The following NEK11 variants were observed in gnomAD, a reference collection of about 807,000 sequenced individuals.
The protein encoded by NEK11 is NIMA related kinase 11.
Under a neutral mutation model 80.7 loss-of-function variants are expected in NEK11, and 72 were observed. The observed-to-expected ratio is 0.89, with a 90% CI of 0.74 to 1.08. NEK11 has a LOEUF of 1.08. NEK11 is among the 50% of genes least tolerant of loss of function. The probability of loss-of-function intolerance (pLI) is 0.00; values close to 1 mark genes in which losing one functional copy is unlikely to be tolerated. For missense variants in NEK11, 764 were observed against 763.6 expected, an observed-to-expected ratio of 1.00 and a Z score of -0.01; for synonymous variants, 251 against 260.7, an observed-to-expected ratio of 0.96 and a Z score of 0.36.
chr3:131,091,831 C>G lies in NEK11; in HGVS notation c.336+11243C>G, dbSNP rs568212928. ...TTCTTGAATTGGGCAAACTTCAGAA[C>G]TAGAAGGAGTTCGGAGAGCTCTTTC... On this transcript the variant is annotated intron_variant, in intron 4 of 17. Coordinates refer to ENST00000383366, the MANE Select transcript of NEK11 (RefSeq NM_024800.5). Among the ~76,000 whole-genome samples the G allele has an allele frequency of 7.2e-5, 11 of 152,294 alleles. No homozygotes were observed. In the East Asian group the frequency reaches 2.1e-3, roughly 29 times the overall value.
chr3:131,275,434 C>T (rs1273183287), intron 17 of NEK11, among the ~76,000 whole-genome samples: 1 of 152,086 alleles, frequency 6.6e-6, no homozygotes, highest in African/African-American at 2.4e-5. Flanking sequence ...AATTAATTGG[C>T]CAAGATGCAT....
Position 131,183,279 on chromosome 3 carries a change from A to T in NEK11, c.1399+12392A>T, listed in dbSNP as rs557141911. Among the ~76,000 whole-genome samples the T allele has an allele frequency of 2.6e-5, 4 of 152,322 alleles. No homozygotes were observed. In the South Asian group the frequency reaches 6.2e-4, roughly 24 times the overall value. Reference sequence around the variant, plus strand: ...TGTTCACAGGCCAACTTCTTTTTTTAAAATTAAATAAAATTTAAAGTTCTG... The same window carrying T: ...TGTTCACAGGCCAACTTCTTTTTTTTAAATTAAATAAAATTTAAAGTTCTG... On this transcript the variant is annotated intron_variant, in intron 14 of 17. Coordinates refer to ENST00000383366, the MANE Select transcript of NEK11 (RefSeq NM_024800.5).
At chr3:131,038,414 TA>T (rs1435127799) in intron 3 of NEK11, among the ~76,000 whole-genome samples, 2 of 152,336 alleles carry the variant, frequency 1.3e-5, no homozygotes, top group East Asian at 3.9e-4. Flanking sequence ...TATTCTGAGA[TA>T]AATGACTTTC....
chr3:131,196,972 C>T (rs2094041858), intron 14 of NEK11, among the ~76,000 whole-genome samples: 1 of 151,918 alleles, frequency 6.6e-6, no homozygotes, highest in Non-Finnish European at 1.5e-5. Flanking sequence ...GGTTTATAAC[C>T]CAATCATTGT....
intron 14 of NEK11, among the ~76,000 whole-genome samples, chr3:131,175,785 TA>T (rs2092974733): frequency 1.3e-5 from 2 of 152,110 alleles, no homozygotes; most frequent in South Asian, 4.1e-4. Flanking sequence ...ATTGATAAAT[TA>T]AAAAAATATT....
intron 3 of NEK11, among the ~76,000 whole-genome samples, chr3:131,030,427 T>C (rs1190142360): frequency 6.6e-6 from 1 of 152,198 alleles, no homozygotes; most frequent in Non-Finnish European, 1.5e-5. Context: ...AATAAGATGT[T>C]TGGGCATGCC....
intron 17 of NEK11, among the ~76,000 whole-genome samples, chr3:131,274,010 A>G (rs1177922652): frequency 6.6e-6 from 1 of 151,518 alleles, no homozygotes; most frequent in African/African-American, 2.4e-5. Flanking sequence ...CACATTGTGC[A>G]GGTTAGTTAC....
intron 3 of NEK11, among the ~76,000 whole-genome samples, chr3:131,030,199 A>C (rs978470386): frequency 3.3e-5 from 5 of 151,854 alleles, no homozygotes; most frequent in Admixed American, 6.6e-5. Context: ...AGATCATGCC[A>C]CTGCCCTCCA....
At chr3:131,302,410 G>T (rs1354098781) in intron 17 of NEK11, among the ~76,000 whole-genome samples, 1 of 152,006 alleles carries the variant, frequency 6.6e-6, no homozygotes, top group Non-Finnish European at 1.5e-5. Context: ...GGGTTGGTTT[G>T]CCTCTTGTTT....
chr3:131,077,693 A>G (rs2074589494), intron 3 of NEK11, among the ~76,000 whole-genome samples: 1 of 152,180 alleles, frequency 6.6e-6, no homozygotes, highest in South Asian at 2.1e-4. Context: ...ACTGCATGCT[A>G]GCTGGGGTAC....
intron 17 of NEK11, among the ~76,000 whole-genome samples, chr3:131,319,861 T>A (rs930082441): frequency 2.0e-5 from 3 of 152,092 alleles, no homozygotes; most frequent in Non-Finnish European, 4.4e-5. Flanking sequence ...CATTTTTTTT[T>A]AATTTCATAA....
chr3:131,336,701 A>G (rs960140070), intron 17 of NEK11, among the ~76,000 whole-genome samples: 69 of 152,176 alleles, frequency 4.5e-4, no homozygotes, highest in African/African-American at 1.7e-3. Flanking sequence ...ATAGGAGAAA[A>G]TTTTCGCAAC....
chr3:131,113,910 C>CAA lies in NEK11; in HGVS notation c.455+4007_455+4008dup, dbSNP rs35868059. 3.4e-4 allele frequency among the ~76,000 whole-genome samples: 35 copies of CAA among 101,592 alleles called. No individual in the cohort carries two copies. The South Asian group carries it at 7.7e-3, about 22-fold the overall frequency. 66.6% of individuals were successfully genotyped at this position (101,592 alleles called of 152,430 possible). ...TGGGTGACAGTGCAAGACTCCCTCT[C>CAA]AAAAAAAAAAAAAAAAAAAGGCAAT... is the stretch of plus-strand genomic sequence containing the variant. On this transcript the variant is annotated intron_variant, in intron 5 of 17. Coordinates refer to ENST00000383366, the MANE Select transcript of NEK11 (RefSeq NM_024800.5).
At chr3:131,238,488 CACAA>C (rs1022713400) in intron 15 of NEK11, among the ~76,000 whole-genome samples, 3 of 152,066 alleles carry the variant, frequency 2.0e-5, no homozygotes, top group Admixed American at 2.0e-4. Context: ...TTAGCCAGGA[CACAA>C]ACAAAGAAGT....
intron 17 of NEK11, chr3:131,329,625 T>C (rs1039190109): frequency 1.3e-5 from 2 of 152,128 alleles, no homozygotes; most frequent in African/African-American, 4.8e-5. Context: ...TACAGAATAT[T>C]GGTAAAGACT....
rs531228258 is a variant in NEK11 at position 131,257,162 on chromosome 3, T to C, written c.1621+13666T>C. Among the ~76,000 whole-genome samples the C allele has an allele frequency of 3.3e-5, 5 of 151,120 alleles. No individual in the cohort carries two copies. The South Asian group carries it at 1.1e-3, about 32-fold the overall frequency. On this transcript the variant is annotated intron_variant, in intron 16 of 17. Coordinates refer to ENST00000383366, the MANE Select transcript of NEK11 (RefSeq NM_024800.5). Reference sequence around the variant, plus strand: ...CACTATGCCTGGCTAATTTTTTTTTTTTTTTGTATTTTTTGTAGAGATGGG... The same window carrying C: ...CACTATGCCTGGCTAATTTTTTTTTCTTTTTGTATTTTTTGTAGAGATGGG...
intron 14 of NEK11, among the ~76,000 whole-genome samples, chr3:131,219,524 T>C (rs549294848): frequency 1.3e-5 from 2 of 150,322 alleles, no homozygotes; most frequent in East Asian, 3.9e-4. Flanking sequence ...AACCTGCATG[T>C]TCTGCACATG....
chr3:131,322,922 C>T (rs2096911791), intron 17 of NEK11, among the ~76,000 whole-genome samples: 3 of 152,170 alleles, frequency 2.0e-5, no homozygotes, highest in Admixed American at 2.0e-4. Context: ...AATGGCAGAA[C>T]CTTAGACTTT....
At chr3:131,084,471 T>C (rs780252663) in intron 4 of NEK11, among the ~76,000 whole-genome samples, 34 of 152,214 alleles carry the variant, frequency 2.2e-4, no homozygotes, top group Non-Finnish European at 4.0e-4. Flanking sequence ...TACCTAACAA[T>C]GTGCTGCACT....
Sources: gnomAD v4.1 joint callset for allele counts (sites outside exome capture counted in the v4.1 genomes callset) on GRCh38, gnomAD v4.1.1 for gene constraint, MANE v1.5 for transcripts, NCBI Gene and HGNC (gene_info 2026-07-23, HGNC 2026-07-21) for gene names.